The following ULK4 variants were observed in gnomAD, a reference collection of about 807,000 sequenced individuals.
ULK4 encodes inactive serine/threonine-protein kinase ULK4.
A neutral mutation model predicts 160.6 loss-of-function variants in ULK4; 133 were observed. The observed-to-expected ratio is 0.83, with a 90% confidence interval of 0.72 to 0.96. The LOEUF is 0.96. Ranked by LOEUF, ULK4 falls within the 40% of genes least tolerant of loss-of-function variation. ULK4 has a pLI of 0.00. For missense variants in ULK4, 1,580 were observed against 1,499.5 expected, an observed-to-expected ratio of 1.05 and a Z score of -0.89; for synonymous variants, 534 against 539.8, an observed-to-expected ratio of 0.99 and a Z score of 0.15.
At chr3:41,923,227 A>G (rs1421792883) in intron 5 of ULK4, among the ~76,000 whole-genome samples, 2 of 151,448 alleles carry the variant, frequency 1.3e-5, no homozygotes, top group Non-Finnish European at 2.9e-5. Flanking sequence ...GGCTGGGCAC[A>G]GTGGCTCATG....
chr3:41,545,858 A>G (rs1342401730), intron 32 of ULK4, among the ~76,000 whole-genome samples: 6 of 151,974 alleles, frequency 3.9e-5, no homozygotes, highest in Non-Finnish European at 5.9e-5. Context: ...TTAATCTTCT[A>G]TGGTTTTTAA....
chr3:41,486,426 A>T (rs1319582024), intron 32 of ULK4, among the ~76,000 whole-genome samples: 2 of 152,230 alleles, frequency 1.3e-5, no homozygotes, highest in Non-Finnish European at 2.9e-5. Flanking sequence ...GAGGCTACTC[A>T]GAGCTTGCTA....
intron 19 of ULK4, among the ~76,000 whole-genome samples, chr3:41,804,186 T>C (rs1344045613): frequency 6.6e-6 from 1 of 151,800 alleles, no homozygotes; most frequent in East Asian, 1.9e-4. Flanking sequence ...TTCTAACTGG[T>C]GTGAGATGGT....
At chr3:41,910,085 G>A (rs1313880981) in intron 11 of ULK4, among the ~76,000 whole-genome samples, 3 of 151,972 alleles carry the variant, frequency 2.0e-5, no homozygotes, top group African/African-American at 4.8e-5. Flanking sequence ...TAGCAGAGAC[G>A]GGTTTTCGCC....
At chr3:41,351,177 A>C (rs538246886) in intron 35 of ULK4, among the ~76,000 whole-genome samples, 1 of 152,270 alleles carries the variant, frequency 6.6e-6, no homozygotes, top group East Asian at 1.9e-4. Flanking sequence ...AGAACTTTAC[A>C]CCCAGCAGTA....
At chr3:41,926,798 G>GA (rs1404451588) in intron 5 of ULK4, among the ~76,000 whole-genome samples, 1 of 151,934 alleles carries the variant, frequency 6.6e-6, no homozygotes, top group South Asian at 2.1e-4. Context: ...CAAGGTTAGA[G>GA]AAAAAAAGAA....
chr3:41,800,176 A>G lies in ULK4; in HGVS notation c.1966T>C (p.Phe656Leu). Reference sequence around the variant, plus strand: ...AGAGAATCAGCAGTGGAGTGTCTGAATAGGTACCACAAAATGGGTCCTATT... The same window carrying G: ...AGAGAATCAGCAGTGGAGTGTCTGAGTAGGTACCACAAAATGGGTCCTATT... ...GEIGPILWYL[F>L]RHSTADSLRI... is the part of the protein sequence containing the mutation. Residue 656 changes from phenylalanine to leucine, a missense_variant, in exon 20 of 37, where the codon TTC becomes CTC. Coordinates refer to ENST00000301831, the MANE Select transcript of ULK4 (RefSeq NM_017886.4). 1.2e-6 allele frequency: 2 copies of G among 1,613,856 alleles called. No individual in the cohort carries two copies. The highest frequency in any genetic ancestry group is 1.7e-6 in the Non-Finnish European group (2 of 1,179,906).
intron 16 of ULK4, among the ~76,000 whole-genome samples, chr3:41,890,417 C>T (rs1386887437): frequency 2.6e-5 from 4 of 152,032 alleles, no homozygotes; most frequent in African/African-American, 9.7e-5. Flanking sequence ...TCGTGGCTCA[C>T]ACCTGTAATC....
chr3:41,354,793 T>C (rs1482834668), intron 35 of ULK4, among the ~76,000 whole-genome samples: 2 of 152,226 alleles, frequency 1.3e-5, no homozygotes, highest in African/African-American at 4.8e-5. Flanking sequence ...CAAATCTGTA[T>C]TCATTACAGA....
intron 27 of ULK4, among the ~76,000 whole-genome samples, chr3:41,703,873 C>CACACACACACACAA (rs1449517903): frequency 2.3e-5 from 3 of 130,498 alleles, no homozygotes; most frequent in African/African-American, 1.1e-4. Context: ...CACACACACA[C>CACACACACACACAA]ACAAGTTAAC....
At chr3:41,749,845 AG>A (rs1455087247) in intron 22 of ULK4, among the ~76,000 whole-genome samples, 7 of 152,166 alleles carry the variant, frequency 4.6e-5, no homozygotes, top group Admixed American at 3.9e-4. Flanking sequence ...CTGAAGCATG[AG>A]GGGAATGAGT....
intron 2 of ULK4, among the ~76,000 whole-genome samples, chr3:41,945,377 G>A (rs1416235572): frequency 6.6e-6 from 1 of 152,066 alleles, no homozygotes; most frequent in East Asian, 1.9e-4. Context: ...AAAGAGTCTG[G>A]GAATTGCAGT....
At chr3:41,305,436 G>A (rs1002931055) in intron 35 of ULK4, among the ~76,000 whole-genome samples, 5 of 152,356 alleles carry the variant, frequency 3.3e-5, no homozygotes, top group Admixed American at 6.5e-5. Context: ...TGGCCAGGCC[G>A]GTCTCCAGCC....
intron 30 of ULK4, among the ~76,000 whole-genome samples, chr3:41,637,834 A>G (rs2034019949): frequency 6.6e-6 from 1 of 152,148 alleles, no homozygotes; most frequent in African/African-American, 2.4e-5. Flanking sequence ...TTATCTGGGT[A>G]TCTTCTTTTG....
chr3:41,960,390 TCTCA>T, intron 1 of ULK4, among the ~76,000 whole-genome samples: 1 of 149,458 alleles, frequency 6.7e-6, no homozygotes. Context: ...TTGGACAGGG[TCTCA>T]CTCAGTGGCC....
At chr3:41,684,467 G>C (rs1240457298) in intron 27 of ULK4, among the ~76,000 whole-genome samples, 10 of 152,174 alleles carry the variant, frequency 6.6e-5, no homozygotes, top group Non-Finnish European at 1.5e-4. Context: ...GACCATGGTG[G>C]GGTACCCTCT....
intron 29 of ULK4, among the ~76,000 whole-genome samples, chr3:41,664,887 C>T (rs980833102): frequency 1.3e-5 from 2 of 152,086 alleles, no homozygotes; most frequent in African/African-American, 4.8e-5. Flanking sequence ...ATTTCCACAA[C>T]AAAATTTTCC....
At chr3:41,506,771 T>TAAAA (rs2085399581) in intron 32 of ULK4, among the ~76,000 whole-genome samples, 1 of 26,336 alleles carries the variant, frequency 3.8e-5, no homozygotes, top group Non-Finnish European at 7.1e-5. Flanking sequence ...ATTTAAAATA[T>TAAAA]ATATATATAT....
chr3:41,544,724 T>C (rs1263214635), intron 32 of ULK4, among the ~76,000 whole-genome samples: 2 of 152,142 alleles, frequency 1.3e-5, no homozygotes, highest in Non-Finnish European at 2.9e-5. Context: ...CCATTTCAGG[T>C]CAAACAGTGA....
Sources: gnomAD v4.1 joint callset for allele counts (sites outside exome capture counted in the v4.1 genomes callset) on GRCh38, gnomAD v4.1.1 for gene constraint, MANE v1.5 for transcripts, NCBI Gene and HGNC (gene_info 2026-07-23, HGNC 2026-07-21) for gene names.